TMPRSS11D: variants seen among roughly 807,000 people sequenced by gnomAD.
TMPRSS11D encodes the protein transmembrane protease serine 11D.
In TMPRSS11D, 32 loss-of-function variants were observed where a neutral mutation model predicts 44.4. That is an observed-to-expected ratio of 0.72 (90% CI 0.54 to 0.97). The LOEUF (loss-of-function observed/expected upper bound fraction) is 0.97, where lower values mean the gene tolerates loss of function less well. Ranked by LOEUF, TMPRSS11D falls within the 50% of genes least tolerant of loss-of-function variation. The probability of loss-of-function intolerance (pLI) is 0.00; values close to 1 mark genes in which losing one functional copy is unlikely to be tolerated. For synonymous variants in TMPRSS11D, 179 were observed against 177.9 expected, an observed-to-expected ratio of 1.01 and a Z score of -0.05; for missense variants, 446 against 502.6, an observed-to-expected ratio of 0.89 and a Z score of 1.08.
chr4:67,841,283 C>G (rs1718222966), intron 4 of TMPRSS11D, among the ~76,000 whole-genome samples: 1 of 152,034 alleles, frequency 6.6e-6, no homozygotes. Flanking sequence ...TAGAGCACAG[C>G]CTGATGTTCA....
Position 67,822,194 on chromosome 4 carries a change from A to C in TMPRSS11D, c.*143T>G, listed in dbSNP as rs1717659753. On this transcript the variant is annotated 3_prime_UTR_variant, in exon 10 of 10. Transcript: ENST00000283916. Reference sequence around the variant, plus strand: ...ACCTTTAATAATAAAGAAAGGTTAAACAGTGTTTGTTAAACCATATTTATG... The same window carrying C: ...ACCTTTAATAATAAAGAAAGGTTAACCAGTGTTTGTTAAACCATATTTATG... 1 of 931,260 alleles carries C rather than the reference A, an allele frequency of 1.1e-6. No homozygotes were observed. Among genetic ancestry groups the C allele is most frequent in the Non-Finnish European group, 1.6e-6 (1 of 617,680 alleles). The allele number at this position is 931,260 out of a possible 1,614,324, so 57.7% of individuals were successfully genotyped here.
chr4:67,835,449 G>A (rs778613619), intron 5 of TMPRSS11D, among the ~76,000 whole-genome samples: 11 of 152,006 alleles, frequency 7.2e-5, no homozygotes, highest in Admixed American at 6.6e-5. Flanking sequence ...AGAAACATAA[G>A]CAAGTCATTG....
rs1281006583 is a variant in TMPRSS11D at position 67,847,344 on chromosome 4, G to C, written c.250-4719C>G. 2.0e-5 allele frequency among the ~76,000 whole-genome samples: 3 copies of C among 152,180 alleles called. No individual in the cohort carries two copies. In the East Asian group the frequency reaches 5.8e-4, roughly 29 times the overall value. On this transcript the variant is annotated intron_variant, in intron 3 of 9. Transcript: ENST00000283916. Reference sequence around the variant, plus strand: ...CTGTTAATATGGCTTTAATAGATAAGGAAATATGTCAGTTCTGTCATTATC... The same window carrying C: ...CTGTTAATATGGCTTTAATAGATAACGAAATATGTCAGTTCTGTCATTATC...
rs373951945 is a variant in TMPRSS11D at position 67,869,481 on chromosome 4, AT to A, written c.9-9804del. ...AATATATATGCAATATTACAAGTAT[AT>A]AATTTAGGCAGCTATCAATTAATAT... On this transcript the variant is annotated intron_variant, in intron 1 of 9. Transcript: ENST00000283916. 3.3e-3 allele frequency among the ~76,000 whole-genome samples: 502 copies of A among 152,248 alleles called. 5 individuals are homozygous for A. The highest frequency in any genetic ancestry group is 0.012 in the African/African-American group (490 of 41,562).
At chr4:67,859,271 G>GTT (rs909096359) in intron 2 of TMPRSS11D, among the ~76,000 whole-genome samples, 1 of 150,968 alleles carries the variant, frequency 6.6e-6, no homozygotes, top group African/African-American at 2.4e-5. Flanking sequence ...ATTATTGAGA[G>GTT]TTTTTTTTTC....
At chr4:67,855,559 T>A (rs181094381) in intron 2 of TMPRSS11D, among the ~76,000 whole-genome samples, 1 of 152,026 alleles carries the variant, frequency 6.6e-6, no homozygotes. Flanking sequence ...CTCAACAACA[T>A]AAAGGCTGAC....
rs955131518 is a variant in TMPRSS11D at position 67,820,991 on chromosome 4, A to G, written c.*1346T>C. 2.6e-5 allele frequency: 4 copies of G among 152,226 alleles called. No homozygotes were observed. Among genetic ancestry groups the G allele is most frequent in the African/African-American group, 9.6e-5 (4 of 41,464 alleles). 9.4% of individuals were successfully genotyped at this position (152,226 alleles called of 1,614,324 possible). On this transcript the variant is annotated 3_prime_UTR_variant, in exon 10 of 10. Coordinates refer to ENST00000283916, the MANE Select transcript of TMPRSS11D (RefSeq NM_004262.3). ...CCCTAAAAGTAGATGGCTTTATTGTAGGTGTTTGCACAATTTTACATCAGG... is the reference window on the plus strand; with the variant it reads ...CCCTAAAAGTAGATGGCTTTATTGTGGGTGTTTGCACAATTTTACATCAGG...
intron 1 of TMPRSS11D, among the ~76,000 whole-genome samples, chr4:67,873,316 T>C (rs1225400393): frequency 1.3e-5 from 2 of 152,214 alleles, no homozygotes; most frequent in Non-Finnish European, 2.9e-5. Context: ...GCCAAGGCTT[T>C]CAGTGTTTCT....
intron 7 of TMPRSS11D, among the ~76,000 whole-genome samples, chr4:67,829,284 A>T (rs1430895746): frequency 1.3e-5 from 2 of 152,022 alleles, no homozygotes; most frequent in Non-Finnish European, 2.9e-5. Context: ...TTGAACTTGA[A>T]GGAGCTTATG....
chr4:67,827,563 G>T, intron 7 of TMPRSS11D, 43 bp from the exon 8 acceptor site: 1 of 1,530,544 alleles, frequency 6.5e-7, no homozygotes, highest in Non-Finnish European at 8.8e-7. Context: ...GGGAATTTGT[G>T]AACATTTCAG....
rs1286495380 is a variant in TMPRSS11D, at chr4:67,873,110, A to G, written c.8+10816T>C. Among the ~76,000 whole-genome samples, 4 of 152,326 alleles carry G rather than the reference A, an allele frequency of 2.6e-5. No homozygotes were observed. The East Asian group carries it at 5.8e-4, about 22-fold the overall frequency. On this transcript the variant is annotated intron_variant, in intron 1 of 9. Transcript: ENST00000283916. ...AGAGAAAACTTCATGTTTAACCTCA[A>G]GATGCCAAATGACAAAAAGCCAATT...
intron 5 of TMPRSS11D, among the ~76,000 whole-genome samples, chr4:67,837,033 T>C (rs1395342065): frequency 6.6e-6 from 1 of 152,182 alleles, no homozygotes; most frequent in East Asian, 1.9e-4. Context: ...GGCCTCACAC[T>C]GGGCCCTTGA....
In TMPRSS11D at chr4:67,859,638, A is replaced by T. The variant is rs771120721; in HGVS notation, c.49T>A (p.Tyr17Asn). The T allele has an allele frequency of 6.2e-6, 10 of 1,613,132 alleles. No individual in the cohort carries two copies. The Admixed American group carries it at 8.3e-5, about 13-fold the overall frequency. The change falls in exon 2 of 10, where the codon TAT becomes AAT. Residue 17 changes from tyrosine to asparagine, a missense_variant. By Grantham distance (143) the Tyr-to-Asn change is moderately radical. Transcript: ENST00000283916. ...VTSTSRFLNP[Y>N]VVCFIVVAGV... ...GCGACGACAATGAAACATACTACAT[A>T]TGGATTCAGAAATCTTGAAGTCGAA...
chr4:67,822,195 CAG>C lies in TMPRSS11D; in HGVS notation c.*140_*141del. 3.2e-6 allele frequency: 3 copies of C among 932,758 alleles called. No individual in the cohort carries two copies. The highest frequency in any genetic ancestry group is 4.8e-6 in the Non-Finnish European group (3 of 619,636). The allele number at this position is 932,758 out of a possible 1,614,324, so 57.8% of individuals were successfully genotyped here. On this transcript the variant is annotated 3_prime_UTR_variant, in exon 10 of 10. Transcript: ENST00000283916. Reference sequence around the variant, plus strand: ...CCTTTAATAATAAAGAAAGGTTAAACAGTGTTTGTTAAACCATATTTATGTAA... The same window carrying C: ...CCTTTAATAATAAAGAAAGGTTAAACTGTTTGTTAAACCATATTTATGTAA...
In TMPRSS11D at chr4:67,852,418, A is replaced by G. The variant is rs116448182; in HGVS notation, c.249+1650T>C. Among the ~76,000 whole-genome samples the G allele has an allele frequency of 9.9e-3, 1,512 of 152,246 alleles. 14 individuals are homozygous for G. Among genetic ancestry groups the G allele is most frequent in the South Asian group, 0.026 (123 of 4,822 alleles). Reference sequence around the variant, plus strand: ...CCAATGTCAGAATTTTTGATTTAGTATGTCTTGGTGAGCCCAAGAATTTGC... The same window carrying G: ...CCAATGTCAGAATTTTTGATTTAGTGTGTCTTGGTGAGCCCAAGAATTTGC... On this transcript the variant is annotated intron_variant, in intron 3 of 9. Coordinates refer to ENST00000283916, the MANE Select transcript of TMPRSS11D (RefSeq NM_004262.3).
Position 67,821,046 on chromosome 4 carries a change from G to A in TMPRSS11D, c.*1291C>T, listed in dbSNP as rs1333665720. The stretch of plus-strand genomic sequence containing the variant: ...ACAAGAAGTTTTCAGCAAATGTATG[G>A]AGCAGTCCTGATGCCCAGATGCAGG... On this transcript the variant is annotated 3_prime_UTR_variant, in exon 10 of 10. Coordinates refer to ENST00000283916, the MANE Select transcript of TMPRSS11D (RefSeq NM_004262.3). 2.0e-5 allele frequency: 3 copies of A among 152,202 alleles called. No homozygotes were observed. The highest frequency in any genetic ancestry group is 1.3e-4 in the Admixed American group (2 of 15,280). The allele number at this position is 152,202 out of a possible 1,614,324, so 9.4% of individuals were successfully genotyped here.
At chr4:67,861,124 T>G (rs1330626497) in intron 1 of TMPRSS11D, among the ~76,000 whole-genome samples, 2 of 152,042 alleles carry the variant, frequency 1.3e-5, no homozygotes, top group Admixed American at 1.3e-4. Context: ...TCAGAAAAAT[T>G]TATTAAATGC....
chr4:67,880,140 T>C (rs1017977126), intron 1 of TMPRSS11D, among the ~76,000 whole-genome samples: 1 of 152,166 alleles, frequency 6.6e-6, no homozygotes, highest in South Asian at 2.1e-4. Flanking sequence ...ACAGTTACAT[T>C]GTGAAAGGTG....
chr4:67,822,476 A>C lies in TMPRSS11D; in HGVS notation c.1118T>G (p.Val373Gly), dbSNP rs1560534817. 3 of 1,613,786 alleles carry C rather than the reference A, an allele frequency of 1.9e-6. No individual in the cohort carries two copies. The highest frequency in any genetic ancestry group is 2.5e-6 in the Non-Finnish European group (3 of 1,179,874). Reference sequence around the variant, plus strand: ...CCAAAGCCGCCGTGAGTCTTCTTGTACTAGTGGGCCACCAGAGTCACCCTG... The same window carrying C: ...CCAAAGCCGCCGTGAGTCTTCTTGTCCTAGTGGGCCACCAGAGTCACCCTG... ...ACQGDSGGPL[V>G]QEDSRRLWFI... is the part of the protein sequence containing the mutation. The change falls in exon 10 of 10, where the codon GTA becomes GGA. Residue 373 changes from valine to glycine, a missense_variant. Transcript: ENST00000283916.
Sources: allele counts gnomAD v4.1 joint callset (sites outside exome capture counted in the v4.1 genomes callset), GRCh38; gene constraint gnomAD v4.1.1; transcripts MANE v1.5; gene names NCBI Gene and HGNC (gene_info 2026-07-23, HGNC 2026-07-21).